The following ASIC2 variants were observed in gnomAD, a reference collection of about 807,000 sequenced individuals.
ASIC2 encodes acid sensing ion channel subunit 2, also known as acid-sensing ion channel 2.
In ASIC2, 25 loss-of-function variants were observed where a neutral mutation model predicts 57.3. That is an observed-to-expected ratio of 0.44 (90% CI 0.32 to 0.61). The LOEUF (loss-of-function observed/expected upper bound fraction) is 0.61. Among genes scored for constraint, ASIC2 ranks in the 20% least tolerant of loss-of-function variants. ASIC2 has a pLI of 0.06. For missense variants in ASIC2, 641 were observed against 738.1 expected, an observed-to-expected ratio of 0.87 and a Z score of 1.52; for synonymous variants, 319 against 307.5, an observed-to-expected ratio of 1.04 and a Z score of -0.39.
chr17:33,145,682 A>G (rs896597270), intron 1 of ASIC2, among the ~76,000 whole-genome samples: 1 of 152,228 alleles, frequency 6.6e-6, no homozygotes, highest in Non-Finnish European at 1.5e-5. Context: ...ATCTATGAAA[A>G]TGAGGGAATA....
At chr17:33,319,960 T>A (rs1198256256) in intron 1 of ASIC2, among the ~76,000 whole-genome samples, 1 of 152,130 alleles carries the variant, frequency 6.6e-6, no homozygotes, top group South Asian at 2.1e-4. Context: ...GGGGGAAAAA[T>A]CTTTGGGGAA....
intron 1 of ASIC2, among the ~76,000 whole-genome samples, chr17:34,155,059 C>T (rs1389855840): frequency 1.3e-5 from 2 of 151,892 alleles, no homozygotes; most frequent in Non-Finnish European, 1.5e-5. Context: ...CTCCGCTTTT[C>T]CTCTTTACTC....
intron 1 of ASIC2, among the ~76,000 whole-genome samples, chr17:33,195,679 C>T (rs1343655577): frequency 6.6e-6 from 1 of 152,194 alleles, no homozygotes; most frequent in East Asian, 1.9e-4. Flanking sequence ...AGAGGACACA[C>T]ACGATCATCT....
At chr17:33,480,229 G>C (rs1913358788) in intron 1 of ASIC2, among the ~76,000 whole-genome samples, 1 of 152,152 alleles carries the variant, frequency 6.6e-6, no homozygotes, top group Non-Finnish European at 1.5e-5. Flanking sequence ...TGCCCACGTG[G>C]GGTTTCCTTT....
At chr17:33,350,505 C>A (rs951287431) in intron 1 of ASIC2, among the ~76,000 whole-genome samples, 2 of 152,012 alleles carry the variant, frequency 1.3e-5, no homozygotes, top group African/African-American at 4.8e-5. Flanking sequence ...CAGGACGAAA[C>A]CCCGTCTCTA....
intron 1 of ASIC2, among the ~76,000 whole-genome samples, chr17:34,088,362 C>T (rs979703369): frequency 4.6e-5 from 7 of 152,278 alleles, no homozygotes; most frequent in African/African-American, 7.2e-5. Context: ...AGCGGTTTTT[C>T]GTGAACGGCG....
At chr17:33,710,127 C>G (rs1391463327) in intron 1 of ASIC2, among the ~76,000 whole-genome samples, 1 of 152,216 alleles carries the variant, frequency 6.6e-6, no homozygotes, top group Non-Finnish European at 1.5e-5. Context: ...GATCTGATGT[C>G]TGCACCAATG....
intron 1 of ASIC2, among the ~76,000 whole-genome samples, chr17:33,456,696 GA>G (rs1317068171): frequency 1.3e-5 from 2 of 152,212 alleles, no homozygotes; most frequent in Non-Finnish European, 2.9e-5. Context: ...GAGAAGGTAA[GA>G]GCTGGAGTGA....
At chr17:34,080,538 G>T (rs1365437672) in intron 1 of ASIC2, among the ~76,000 whole-genome samples, 2 of 152,178 alleles carry the variant, frequency 1.3e-5, no homozygotes, top group Admixed American at 6.5e-5. Flanking sequence ...CTCTGTGAAT[G>T]TGAGGCCCCA....
At chr17:33,359,437 T>C (rs1908513742) in intron 1 of ASIC2, among the ~76,000 whole-genome samples, 1 of 152,188 alleles carries the variant, frequency 6.6e-6, no homozygotes, top group African/African-American at 2.4e-5. Context: ...ATCCATGGTA[T>C]GAGGCCACCA....
chr17:33,674,201 T>G (rs985754484), intron 1 of ASIC2, among the ~76,000 whole-genome samples: 4 of 152,162 alleles, frequency 2.6e-5, no homozygotes, highest in African/African-American at 9.7e-5. Context: ...CCCGTGTCTT[T>G]AGCAAGATAT....
intron 1 of ASIC2, among the ~76,000 whole-genome samples, chr17:33,590,361 A>C (rs1904786214): frequency 6.6e-6 from 1 of 152,160 alleles, no homozygotes; most frequent in Non-Finnish European, 1.5e-5. Flanking sequence ...TGTTAGGACC[A>C]TTGTGAGCCT....
chr17:33,821,895 G>T (rs1462276048), intron 1 of ASIC2, among the ~76,000 whole-genome samples: 1 of 152,182 alleles, frequency 6.6e-6, no homozygotes, highest in African/African-American at 2.4e-5. Context: ...ATAACAGTGA[G>T]CCCCTTTCAG....
chr17:33,686,238 T>C (rs1489471180), intron 1 of ASIC2, among the ~76,000 whole-genome samples: 3 of 151,966 alleles, frequency 2.0e-5, no homozygotes, highest in Non-Finnish European at 2.9e-5. Context: ...AGCAGAAAGA[T>C]GGCCAAAGAG....
intron 1 of ASIC2, among the ~76,000 whole-genome samples, chr17:33,733,504 G>A (rs1909811428): frequency 6.6e-6 from 1 of 152,178 alleles, no homozygotes. Context: ...GTGAGGGAGA[G>A]AAGATGGAGA....
intron 1 of ASIC2, among the ~76,000 whole-genome samples, chr17:33,798,845 GGGA>G (rs1911997514): frequency 1.3e-5 from 2 of 152,266 alleles, no homozygotes; most frequent in South Asian, 4.1e-4. Context: ...CAATGGTCAG[GGGA>G]AAATGCCAGC....
intron 1 of ASIC2, among the ~76,000 whole-genome samples, chr17:33,715,458 A>G (rs1407688298): frequency 6.6e-6 from 1 of 152,220 alleles, no homozygotes; most frequent in Admixed American, 6.5e-5. Flanking sequence ...AGACAAGCAC[A>G]AAGAGGATGG....
intron 1 of ASIC2, among the ~76,000 whole-genome samples, chr17:33,139,891 T>C (rs2092380489): frequency 6.6e-6 from 1 of 152,238 alleles, no homozygotes; most frequent in Non-Finnish European, 1.5e-5. Context: ...TGCTAGTCCC[T>C]TCACGGTACA....
chr17:33,866,254 A>G (rs754108716), intron 1 of ASIC2, among the ~76,000 whole-genome samples: 2 of 152,192 alleles, frequency 1.3e-5, no homozygotes, highest in African/African-American at 4.8e-5. Context: ...TATACCTAGG[A>G]GTGAAATTGC....
Sources: allele counts gnomAD v4.1 joint callset (sites outside exome capture counted in the v4.1 genomes callset), GRCh38; gene constraint gnomAD v4.1.1; transcripts MANE v1.5; gene names NCBI Gene and HGNC (gene_info 2026-07-23, HGNC 2026-07-21).